L3MBTL4: variants seen among roughly 807,000 people sequenced by gnomAD.
L3MBTL4 encodes lethal(3)malignant brain tumor-like protein 4.
In L3MBTL4, 70 loss-of-function variants were observed where a neutral mutation model predicts 84.5. The ratio of observed to expected loss-of-function variants is 0.83; its 90% CI spans 0.68 to 1.01. The LOEUF (loss-of-function observed/expected upper bound fraction) is 1.01. Among genes scored for constraint, L3MBTL4 ranks in the 50% least tolerant of loss-of-function variants. The probability of loss-of-function intolerance (pLI) is 0.00; values close to 1 mark genes in which losing one functional copy is unlikely to be tolerated. For synonymous variants in L3MBTL4, 274 were observed against 259.8 expected (o/e 1.05, Z -0.52); for missense variants, 715 against 754.8 (o/e 0.95, Z 0.62).
At chr18:6,398,893 T>C (rs895548470) in intron 1 of L3MBTL4, among the ~76,000 whole-genome samples, 2 of 152,110 alleles carry the variant, frequency 1.3e-5, no homozygotes, top group Non-Finnish European at 2.9e-5. Context: ...TCAGGGGATC[T>C]GCCAGACCTG....
intron 16 of L3MBTL4, among the ~76,000 whole-genome samples, chr18:6,036,823 G>T (rs1339072804): frequency 6.6e-6 from 1 of 152,092 alleles, no homozygotes; most frequent in Non-Finnish European, 1.5e-5. Context: ...CCAAGGATTA[G>T]CCTGAGGTAT....
At chr18:6,031,444 C>T in intron 16 of L3MBTL4, 1 of 985,418 alleles carries the variant, frequency 1.0e-6, no homozygotes, top group South Asian at 4.7e-5. Flanking sequence ...CGAGGTGGGA[C>T]CATTCTTTGC....
intron 4 of L3MBTL4, among the ~76,000 whole-genome samples, chr18:6,282,915 A>G (rs1053068595): frequency 6.6e-6 from 1 of 152,126 alleles, no homozygotes; most frequent in African/African-American, 2.4e-5. Flanking sequence ...CAGATTGCCC[A>G]AGGGAAGTAA....
intron 16 of L3MBTL4, among the ~76,000 whole-genome samples, chr18:6,066,845 C>T (rs944068238): frequency 1.3e-5 from 2 of 150,034 alleles, no homozygotes; most frequent in African/African-American, 2.4e-5. Context: ...ACACTTAGGC[C>T]GTTTACGTTC....
At chr18:6,132,236 T>C (rs1408779101) in intron 14 of L3MBTL4, among the ~76,000 whole-genome samples, 2 of 152,240 alleles carry the variant, frequency 1.3e-5, no homozygotes, top group African/African-American at 4.8e-5. Flanking sequence ...ATGGTTTACA[T>C]GTTTCATAAC....
chr18:6,312,679 T>C (rs1267776876), intron 1 of L3MBTL4, among the ~76,000 whole-genome samples: 2 of 152,196 alleles, frequency 1.3e-5, no homozygotes, highest in Admixed American at 6.5e-5. Flanking sequence ...GGCTAATGTC[T>C]GAGCCAGAGA....
In L3MBTL4 at chr18:6,301,937, CT is replaced by C; in HGVS notation, c.92del (p.Lys31ArgfsTer10). ...DGRLEQAEEE[K>X]KPKDSTTPLS... Reference sequence around the variant, plus strand: ...AAGGGGTTGTGCTATCCTTGGGCTTCTTTTCCTCTTCAGCTTGCTCCTAGAA... The same window carrying C: ...AAGGGGTTGTGCTATCCTTGGGCTTCTTTCCTCTTCAGCTTGCTCCTAGAA... On this transcript the variant is annotated frameshift_variant, in exon 4 of 19. Coordinates refer to ENST00000317931, the MANE Select transcript of L3MBTL4 (RefSeq NM_001330559.2). LOFTEE classifies it high-confidence loss of function. 2 of 1,613,186 alleles carry C rather than the reference CT, an allele frequency of 1.2e-6. No individual in the cohort carries two copies. The highest frequency in any genetic ancestry group is 1.7e-6 in the Non-Finnish European group (2 of 1,179,146).
chr18:6,266,099 TA>T (rs746073187), intron 4 of L3MBTL4, among the ~76,000 whole-genome samples: 2 of 152,112 alleles, frequency 1.3e-5, no homozygotes. Flanking sequence ...CATTTAAAAA[TA>T]AAAAAACATA....
intron 5 of L3MBTL4, chr18:6,260,052 T>A (rs551562765): frequency 1.3e-5 from 2 of 152,328 alleles, no homozygotes; most frequent in African/African-American, 4.8e-5. Context: ...GGGAGTCCTT[T>A]CCCCATTGCT....
At chr18:6,086,625 T>C (rs2058268790) in intron 15 of L3MBTL4, among the ~76,000 whole-genome samples, 1 of 152,130 alleles carries the variant, frequency 6.6e-6, no homozygotes, top group African/African-American at 2.4e-5. Flanking sequence ...CTCATTTCGT[T>C]TTCCATATGC....
At chr18:6,295,679 T>C (rs140596626) in intron 4 of L3MBTL4, among the ~76,000 whole-genome samples, 43 of 152,250 alleles carry the variant, frequency 2.8e-4, no homozygotes, top group Admixed American at 7.2e-4. Flanking sequence ...CTTCAATTAT[T>C]GAAGTGCCCC....
At position 6,150,609 on chromosome 18, in the gene L3MBTL4, AT is replaced by A. The variant is rs557415606; in HGVS notation, c.1097-12314del. The stretch of plus-strand genomic sequence containing the variant: ...AAATGGAAGGAAAATTCTCCACCTG[AT>A]GTCTGTAACAGATGCTTCGATAACG... On this transcript the variant is annotated intron_variant, in intron 13 of 18. Transcript: ENST00000317931. Among the ~76,000 whole-genome samples, 703 of 152,266 alleles carry A rather than the reference AT, an allele frequency of 4.6e-3. 5 individuals are homozygous for A. Among genetic ancestry groups the A allele is most frequent in the Non-Finnish European group, 6.2e-3 (419 of 68,018 alleles).
chr18:6,138,840 T>C (rs2060111591), intron 13 of L3MBTL4, among the ~76,000 whole-genome samples: 1 of 152,110 alleles, frequency 6.6e-6, no homozygotes, highest in Non-Finnish European at 1.5e-5. Context: ...GTGTGAGAAA[T>C]TTTTAAAAAT....
chr18:6,071,539 G>C (rs1209169258), intron 16 of L3MBTL4, among the ~76,000 whole-genome samples: 6 of 151,500 alleles, frequency 4.0e-5, no homozygotes, highest in African/African-American at 1.5e-4. Context: ...GAGAGGCTGA[G>C]GTAAGAGGAT....
intron 16 of L3MBTL4, chr18:6,031,711 G>A: frequency 1.0e-6 from 1 of 985,536 alleles, no homozygotes; most frequent in Non-Finnish European, 1.2e-6. Context: ...ATGGGGAATG[G>A]CAGAGGAACA....
intron 4 of L3MBTL4, among the ~76,000 whole-genome samples, chr18:6,295,346 C>CTCTATATA (rs1261475809): frequency 4.8e-4 from 39 of 81,378 alleles, no homozygotes; most frequent in African/African-American, 1.2e-3. Context: ...CTCTCTCTCT[C>CTCTATATA]TATATATATA....
At chr18:6,290,887 C>G (rs908352445) in intron 4 of L3MBTL4, among the ~76,000 whole-genome samples, 8 of 152,012 alleles carry the variant, frequency 5.3e-5, no homozygotes, top group African/African-American at 1.9e-4. Context: ...CTAGGTTCAT[C>G]CCATCCAACT....
intron 14 of L3MBTL4, among the ~76,000 whole-genome samples, chr18:6,099,092 G>A (rs897827963): frequency 6.6e-6 from 1 of 152,180 alleles, no homozygotes; most frequent in African/African-American, 2.4e-5. Context: ...TCTTTCGGAG[G>A]ATTCTGGGAA....
chr18:6,409,395 A>C (rs1408437692), intron 1 of L3MBTL4, among the ~76,000 whole-genome samples: 1 of 152,228 alleles, frequency 6.6e-6, no homozygotes, highest in East Asian at 1.9e-4. Flanking sequence ...ATGGCTCATA[A>C]TTACAGAACC....
Sources: gnomAD v4.1 joint callset for allele counts (sites outside exome capture counted in the v4.1 genomes callset) on GRCh38, gnomAD v4.1.1 for gene constraint, MANE v1.5 for transcripts, NCBI Gene and HGNC (gene_info 2026-07-23, HGNC 2026-07-21) for gene names.